GALNT11: variants seen among roughly 807,000 people sequenced by gnomAD.
GALNT11 encodes polypeptide N-acetylgalactosaminyltransferase 11, also known as UDP-GalNAc:polypeptide N-acetylgalactosaminyltransferase 11.
In GALNT11, 47 loss-of-function variants were observed where a neutral mutation model predicts 72.7. The ratio of observed to expected loss-of-function variants is 0.65; its 90% CI spans 0.51 to 0.82. The LOEUF is 0.82. GALNT11 is among the 40% of genes least tolerant of loss of function. The pLI, the probability that GALNT11 is intolerant of heterozygous loss-of-function variation, is 0.00. For synonymous variants in GALNT11, 270 were observed against 286.6 expected (o/e 0.94, Z 0.58); for missense variants, 677 against 778.4 (o/e 0.87, Z 1.55).
At chr7:152,109,534 C>T (rs543226534) in intron 6 of GALNT11, among the ~76,000 whole-genome samples, 1 of 152,122 alleles carries the variant, frequency 6.6e-6, no homozygotes, top group Non-Finnish European at 1.5e-5. Context: ...TCTGCCTTGT[C>T]TTTTTTGTTG....
At chr7:152,035,672 C>T (rs566420478) in intron 1 of GALNT11, among the ~76,000 whole-genome samples, 1 of 152,320 alleles carries the variant, frequency 6.6e-6, no homozygotes, top group South Asian at 2.1e-4. Context: ...AGCCTGACAC[C>T]CGTGTCTTTA....
rs562900755 is a variant in GALNT11 at position 152,114,083 on chromosome 7, T to A, written c.1233+685T>A. Among the ~76,000 whole-genome samples the A allele has an allele frequency of 2.0e-5, 3 of 152,088 alleles. No homozygotes were observed. In the South Asian group the frequency reaches 6.2e-4, roughly 32 times the overall value. Reference sequence around the variant, plus strand: ...CAGGCCTGGCCTTTTCTTTTACTCATTGGACTTCGTGGTGACCCAATCCCG... The same window carrying A: ...CAGGCCTGGCCTTTTCTTTTACTCAATGGACTTCGTGGTGACCCAATCCCG... On this transcript the variant is annotated intron_variant, in intron 8 of 11. Transcript: ENST00000430044.
At chr7:152,101,161 G>C (rs949427277) in intron 3 of GALNT11, among the ~76,000 whole-genome samples, 4 of 152,234 alleles carry the variant, frequency 2.6e-5, no homozygotes, top group African/African-American at 9.6e-5. Context: ...TGGGGAAGCA[G>C]AGTAGGGTGC....
intron 1 of GALNT11, among the ~76,000 whole-genome samples, chr7:152,092,604 A>G (rs2086111992): frequency 6.6e-6 from 1 of 152,180 alleles, no homozygotes; most frequent in African/African-American, 2.4e-5. Flanking sequence ...CTTGGTTGGC[A>G]GACAGTTAAG....
chr7:152,086,074 C>T (rs1200537603), intron 1 of GALNT11, among the ~76,000 whole-genome samples: 1 of 151,834 alleles, frequency 6.6e-6, no homozygotes, highest in Non-Finnish European at 1.5e-5. Context: ...TTTTAGTAGA[C>T]ATGGGGTTTC....
intron 1 of GALNT11, chr7:152,027,740 G>A (rs1444873323): frequency 6.4e-6 from 1 of 155,140 alleles, no homozygotes; most frequent in Non-Finnish European, 1.4e-5. Flanking sequence ...AGTTCTTAAA[G>A]ATGGTATGTC....
intron 1 of GALNT11, among the ~76,000 whole-genome samples, chr7:152,036,285 G>A (rs766506947): frequency 1.3e-5 from 2 of 151,856 alleles, no homozygotes; most frequent in South Asian, 2.1e-4. Flanking sequence ...CTCTCTCTCC[G>A]TGAGTTCAAT....
rs759761432 is a variant in GALNT11 at position 152,100,815 on chromosome 7, C to T, written c.313C>T (p.Arg105Cys). The change falls in exon 3 of 12, where the codon CGC (arginine) becomes TGC (cysteine). Residue 105 changes from arginine to cysteine, a missense_variant. Coordinates refer to ENST00000430044, the MANE Select transcript of GALNT11 (RefSeq NM_022087.4). Reference protein sequence around the residue: ...SSELGMIFNERDQELRDLGYQ... With the variant: ...SSELGMIFNECDQELRDLGYQ... ...TTTTGCAGGTATGATTTTTAATGAA[C>T]GCGATCAAGAGTTGAGAGACTTGGG... 13 of 1,613,414 alleles carry T rather than the reference C, an allele frequency of 8.1e-6. No homozygotes were observed. Among genetic ancestry groups the T allele is most frequent in the South Asian group, 3.3e-5 (3 of 91,056 alleles).
Position 152,121,738 on chromosome 7 carries a change from G to T in GALNT11, c.*61G>T, listed in dbSNP as rs2089451034. On this transcript the variant is annotated 3_prime_UTR_variant, in exon 12 of 12. Transcript: ENST00000430044. ...CGTTGCCTCCGGTGTGGAGTTTGGG[G>T]CTTTAGGAAAGCCTGGGTTGGGTGG... 6.4e-7 allele frequency: 1 copy of T among 1,573,682 alleles called. No homozygotes were observed. The highest frequency in any genetic ancestry group is 8.6e-7 in the Non-Finnish European group (1 of 1,157,134).
In GALNT11 at chr7:152,121,672, G is replaced by T. The variant is rs766822753; in HGVS notation, c.1822G>T (p.Gly608Cys). ...CTCTTCACAGCAGTGGCATTTGGAA[G>T]GTTAAGGTGGATGCTGTGGTGGGAA... ...GSSSQQWHLE[G>C] Residue 608 changes from glycine (G) to cysteine (C), a missense_variant, in exon 12 of 12, where the codon GGT becomes TGT. Gly to Cys is a radical substitution (Grantham distance 159, BLOSUM62 -3). Transcript: ENST00000430044. 1.5e-5 allele frequency: 24 copies of T among 1,613,116 alleles called. No individual in the cohort carries two copies. The East Asian group carries it at 5.1e-4, about 34-fold the overall frequency.
chr7:152,051,463 T>C (rs1364020577), intron 1 of GALNT11, among the ~76,000 whole-genome samples: 1 of 152,250 alleles, frequency 6.6e-6, no homozygotes, highest in South Asian at 2.1e-4. Context: ...ATGCTCGTGA[T>C]GGACTAGTTT....
intron 1 of GALNT11, among the ~76,000 whole-genome samples, chr7:152,078,863 A>G (rs1436040062): frequency 1.3e-5 from 2 of 152,262 alleles, no homozygotes; most frequent in Non-Finnish European, 2.9e-5. Flanking sequence ...ATCTTAAATA[A>G]AAGGCAAGCT....
At chr7:152,027,133 C>T (rs1054662006) in intron 1 of GALNT11, among the ~76,000 whole-genome samples, 2 of 152,064 alleles carry the variant, frequency 1.3e-5, no homozygotes, top group African/African-American at 4.8e-5. Flanking sequence ...CCTGTAATCC[C>T]AGCTACTTGG....
chr7:152,084,620 A>G (rs2085529890), intron 1 of GALNT11, among the ~76,000 whole-genome samples: 1 of 152,142 alleles, frequency 6.6e-6, no homozygotes, highest in South Asian at 2.1e-4. Context: ...CTCCTTCTTC[A>G]CAATAAGCAT....
chr7:152,050,692 C>T (rs2083350109), intron 1 of GALNT11, among the ~76,000 whole-genome samples: 1 of 152,204 alleles, frequency 6.6e-6, no homozygotes. Flanking sequence ...AGCACCAAGA[C>T]TTGCCCAGGA....
intron 1 of GALNT11, among the ~76,000 whole-genome samples, chr7:152,073,184 A>G (rs1294874405): frequency 6.6e-6 from 1 of 152,156 alleles, no homozygotes; most frequent in Non-Finnish European, 1.5e-5. Context: ...TAGCTATTTG[A>G]AACTCTACAA....
intron 1 of GALNT11, among the ~76,000 whole-genome samples, chr7:152,089,106 G>A (rs1350102048): frequency 6.6e-6 from 1 of 152,114 alleles, no homozygotes; most frequent in Non-Finnish European, 1.5e-5. Flanking sequence ...AGGGCTCAGA[G>A]TTTAGGGTTT....
At chr7:152,061,173 G>T (rs2128998732) in intron 1 of GALNT11, among the ~76,000 whole-genome samples, 1 of 152,302 alleles carries the variant, frequency 6.6e-6, no homozygotes, top group African/African-American at 2.4e-5. Context: ...ATTCTAATTG[G>T]TGTGAGATGG....
intron 1 of GALNT11, among the ~76,000 whole-genome samples, chr7:152,026,258 G>A: frequency 6.6e-6 from 1 of 152,338 alleles, no homozygotes; most frequent in African/African-American, 2.4e-5. Context: ...AAATAGAATA[G>A]TTCACACATA....
Sources: gnomAD v4.1 joint callset for allele counts (sites outside exome capture counted in the v4.1 genomes callset) on GRCh38, gnomAD v4.1.1 for gene constraint, MANE v1.5 for transcripts, NCBI Gene and HGNC (gene_info 2026-07-23, HGNC 2026-07-21) for gene names.